The following PDE4D variants were observed in gnomAD, a reference collection of about 807,000 sequenced individuals.
The protein encoded by PDE4D is phosphodiesterase 4D, also known as 3',5'-cyclic-AMP phosphodiesterase 4D.
PDE4D carries 24 observed loss-of-function variants against 87.4 expected under a neutral mutation model. That is an observed-to-expected ratio of 0.27 (90% CI 0.20 to 0.39). PDE4D has a LOEUF of 0.39. Ranked by LOEUF, PDE4D falls within the 10% of genes least tolerant of loss-of-function variation. PDE4D has a pLI of 1.00. For synonymous variants in PDE4D, 384 were observed against 383.2 expected, an observed-to-expected ratio of 1.00 and a Z score of -0.02; for missense variants, 714 against 1,041.0, an observed-to-expected ratio of 0.69 and a Z score of 4.32.
intron 2 of PDE4D, among the ~76,000 whole-genome samples, chr5:60,015,676 T>C (rs564819275): frequency 6.6e-6 from 1 of 152,164 alleles, no homozygotes; most frequent in South Asian, 2.1e-4. Flanking sequence ...TAAAATAGAG[T>C]ACCCTCCATA....
At chr5:59,761,743 C>T (rs1761993434) in intron 1 of PDE4D, among the ~76,000 whole-genome samples, 1 of 152,016 alleles carries the variant, frequency 6.6e-6, no homozygotes, top group Admixed American at 6.6e-5. Context: ...TAGATACCTC[C>T]TGAGGGACCT....
intron 2 of PDE4D, among the ~76,000 whole-genome samples, chr5:59,194,472 C>T (rs543258852): frequency 7.5e-5 from 11 of 145,702 alleles, no homozygotes; most frequent in Non-Finnish European, 4.7e-5. Context: ...CAAAACAACA[C>T]CCATGAAACA....
In PDE4D at chr5:59,893,569, G is replaced by A. The variant is rs1328397169; in HGVS notation, c.54C>T (p.Ser18=). The A allele has an allele frequency of 6.5e-7, 1 of 1,529,632 alleles. No homozygotes were observed. Among genetic ancestry groups the A allele is most frequent in the Non-Finnish European group, 8.8e-7 (1 of 1,138,546 alleles). 94.8% of individuals were successfully genotyped at this position (1,529,632 alleles called of 1,614,324 possible). The change falls in exon 1 of 15, where the codon AGC becomes AGT. Residue 18 remains serine, a synonymous_variant. Coordinates refer to ENST00000340635, the MANE Select transcript of PDE4D (RefSeq NM_001104631.2). ...TGAGCGTGGCCCCGCCGGCGCTGTCGCTGCCCTCTCCGCTGCCCGCCCGGG... is the reference window on the plus strand; with the variant it reads ...TGAGCGTGGCCCCGCCGGCGCTGTCACTGCCCTCTCCGCTGCCCGCCCGGG... ...APARAGSGEG[S]DSAGGATLKA...
chr5:59,509,549 A>G (rs898219699), intron 1 of PDE4D, among the ~76,000 whole-genome samples: 1 of 151,676 alleles, frequency 6.6e-6, no homozygotes, highest in Non-Finnish European at 1.5e-5. Flanking sequence ...TGAAGAGAAC[A>G]AAAATCTATT....
At chr5:59,177,114 T>A (rs1408438345) in intron 5 of PDE4D, among the ~76,000 whole-genome samples, 2 of 152,092 alleles carry the variant, frequency 1.3e-5, no homozygotes, top group Non-Finnish European at 1.5e-5. Context: ...TAACCCAATA[T>A]GTGTTGGTAT....
At chr5:59,563,376 T>C (rs776856811) in intron 1 of PDE4D, among the ~76,000 whole-genome samples, 55 of 152,222 alleles carry the variant, frequency 3.6e-4, no homozygotes, top group Non-Finnish European at 5.4e-4. Flanking sequence ...CTAGTTAACA[T>C]AACTCTCAAA....
intron 1 of PDE4D, among the ~76,000 whole-genome samples, chr5:59,287,463 G>T (rs1767185685): frequency 6.6e-6 from 1 of 152,088 alleles, no homozygotes; most frequent in African/African-American, 2.4e-5. Flanking sequence ...GTCATCTCTA[G>T]ACCTGCCCAG....
chr5:59,881,893 C>T (rs1246779395), intron 1 of PDE4D, among the ~76,000 whole-genome samples: 1 of 152,096 alleles, frequency 6.6e-6, no homozygotes, highest in Non-Finnish European at 1.5e-5. Context: ...ATGCTTGAAT[C>T]AAGATCTGAA....
chr5:60,144,130 C>T (rs1780795223), intron 2 of PDE4D, among the ~76,000 whole-genome samples: 1 of 152,166 alleles, frequency 6.6e-6, no homozygotes, highest in African/African-American at 2.4e-5. Context: ...GCAGCGGTGA[C>T]CTCCAGGTGC....
intron 1 of PDE4D, among the ~76,000 whole-genome samples, chr5:59,568,025 G>T (rs1181672069): frequency 6.6e-6 from 1 of 152,164 alleles, no homozygotes; most frequent in Non-Finnish European, 1.5e-5. Flanking sequence ...TCAAATCTTG[G>T]TTTTTAATAC....
intron 1 of PDE4D, among the ~76,000 whole-genome samples, chr5:59,633,060 A>T (rs1831777093): frequency 6.6e-6 from 1 of 152,206 alleles, no homozygotes; most frequent in African/African-American, 2.4e-5. Flanking sequence ...ATGGAGTTGA[A>T]AAAACACAGC....
intron 3 of PDE4D, among the ~76,000 whole-genome samples, chr5:59,985,152 A>T (rs369019133): frequency 0.36 from 31,203 of 85,766 alleles, 5,782 homozygotes; most frequent in East Asian, 0.64. Context: ...TTTGTTTTTT[A>T]TTTTGAGACA....
At chr5:59,199,342 C>T (rs1476415117) in intron 2 of PDE4D, among the ~76,000 whole-genome samples, 1 of 150,454 alleles carries the variant, frequency 6.6e-6, no homozygotes, top group Non-Finnish European at 1.5e-5. Context: ...ATCTTCCTGT[C>T]TCAGTCTATG....
intron 1 of PDE4D, among the ~76,000 whole-genome samples, chr5:59,615,523 G>A (rs1227936936): frequency 6.6e-6 from 1 of 152,150 alleles, no homozygotes; most frequent in Non-Finnish European, 1.5e-5. Flanking sequence ...AATATGTTTT[G>A]CTGACTCCTC....
At chr5:60,058,033 T>C (rs1770974446) in intron 2 of PDE4D, among the ~76,000 whole-genome samples, 1 of 151,950 alleles carries the variant, frequency 6.6e-6, no homozygotes, top group African/African-American at 2.4e-5. Context: ...TATGTTTAAG[T>C]GTGATAAATG....
intron 2 of PDE4D, among the ~76,000 whole-genome samples, chr5:59,197,276 T>C (rs933605258): frequency 3.3e-5 from 5 of 152,204 alleles, no homozygotes; most frequent in Admixed American, 6.5e-5. Context: ...TTTACAATAT[T>C]TATGATAATT....
At chr5:60,056,952 CA>C (rs1770843067) in intron 2 of PDE4D, among the ~76,000 whole-genome samples, 1 of 152,018 alleles carries the variant, frequency 6.6e-6, no homozygotes, top group African/African-American at 2.4e-5. Flanking sequence ...TTGGATGACA[CA>C]TTTAATATCT....
In PDE4D at chr5:59,679,351, ATTTAT is replaced by A. The variant is rs1324198680; in HGVS notation, c.455+213812_455+213816del. On this transcript the variant is annotated intron_variant, in intron 1 of 14. Coordinates refer to ENST00000340635, the MANE Select transcript of PDE4D (RefSeq NM_001104631.2). ...TCTTGGTACAACAAAACTCTTCTAA[ATTTAT>A]TTTATTTTATTAGTTTTGGCCACAT... 7.9e-5 allele frequency among the ~76,000 whole-genome samples: 12 copies of A among 152,278 alleles called. No individual in the cohort carries two copies. In the South Asian group the frequency reaches 1.4e-3, roughly 18 times the overall value.
chr5:59,367,376 A>T (rs952858739), intron 1 of PDE4D, among the ~76,000 whole-genome samples: 3 of 152,200 alleles, frequency 2.0e-5, no homozygotes, highest in Admixed American at 2.0e-4. Flanking sequence ...AGAATGATAG[A>T]TGTTTTTAAA....
Sources: gnomAD v4.1 joint callset for allele counts (sites outside exome capture counted in the v4.1 genomes callset) on GRCh38, gnomAD v4.1.1 for gene constraint, MANE v1.5 for transcripts, NCBI Gene and HGNC (gene_info 2026-07-23, HGNC 2026-07-21) for gene names.